RABGAP1L: variants seen among roughly 807,000 people sequenced by gnomAD.
The protein encoded by RABGAP1L is RAB GTPase activating protein 1 like.
A neutral mutation model predicts 137.7 loss-of-function variants in RABGAP1L; 63 were observed. The observed-to-expected ratio is 0.46, with a 90% CI of 0.37 to 0.56. The LOEUF is 0.56. Ranked by LOEUF, RABGAP1L falls within the 20% of genes least tolerant of loss-of-function variation. The pLI is 0.00. For missense variants in RABGAP1L, 1,095 were observed against 1,244.0 expected (o/e 0.88, Z 1.80); for synonymous variants, 431 against 433.7 (o/e 0.99, Z 0.08).
chr1:174,396,663 A>G (rs2149090610), intron 13 of RABGAP1L, among the ~76,000 whole-genome samples: 1 of 152,008 alleles, frequency 6.6e-6, no homozygotes, highest in African/African-American at 2.4e-5. Context: ...TTTTTTCACT[A>G]AGAGGCTTTC....
chr1:174,666,281 T>A (rs2148434729), intron 14 of RABGAP1L, among the ~76,000 whole-genome samples: 1 of 152,352 alleles, frequency 6.6e-6, no homozygotes, highest in Admixed American at 6.5e-5. Flanking sequence ...CTTTGTAGGT[T>A]ATAGATGAAA....
At chr1:174,304,570 G>A (rs536159598) in intron 10 of RABGAP1L, among the ~76,000 whole-genome samples, 1 of 152,002 alleles carries the variant, frequency 6.6e-6, no homozygotes, top group Non-Finnish European at 1.5e-5. Flanking sequence ...TATAATATAG[G>A]AAGGCATATT....
chr1:174,184,274 C>T (rs931838212), intron 1 of RABGAP1L, among the ~76,000 whole-genome samples: 1 of 152,140 alleles, frequency 6.6e-6, no homozygotes, highest in African/African-American at 2.4e-5. Context: ...TCTGGATGTA[C>T]CACAGTCTGT....
intron 11 of RABGAP1L, among the ~76,000 whole-genome samples, chr1:174,318,857 A>G (rs1030678692): frequency 6.6e-6 from 1 of 151,872 alleles, no homozygotes; most frequent in Non-Finnish European, 1.5e-5. Flanking sequence ...AAAAAACTTT[A>G]CACTTCATCT....
At chr1:174,519,186 A>G (rs1663138790) in intron 13 of RABGAP1L, among the ~76,000 whole-genome samples, 1 of 149,490 alleles carries the variant, frequency 6.7e-6, no homozygotes, top group South Asian at 2.1e-4. Context: ...CCATGTGTAA[A>G]TATATATATA....
intron 4 of RABGAP1L, among the ~76,000 whole-genome samples, chr1:174,233,677 T>G (rs1481124419): frequency 7.6e-6 from 1 of 131,738 alleles, no homozygotes; most frequent in Non-Finnish European, 1.5e-5. Flanking sequence ...GTTGGACATT[T>G]GGGTTGGTTC....
intron 13 of RABGAP1L, among the ~76,000 whole-genome samples, chr1:174,535,359 T>C (rs1167882341): frequency 6.6e-6 from 1 of 152,194 alleles, no homozygotes; most frequent in African/African-American, 2.4e-5. Context: ...CTGCATATTA[T>C]AGGTACTCAA....
At chr1:174,616,367 C>T (rs979410765) in intron 13 of RABGAP1L, among the ~76,000 whole-genome samples, 2 of 152,228 alleles carry the variant, frequency 1.3e-5, no homozygotes, top group African/African-American at 2.4e-5. Flanking sequence ...AACTTCAAAG[C>T]AAACATTTTA....
chr1:174,285,139 C>A (rs970770251), intron 10 of RABGAP1L, among the ~76,000 whole-genome samples: 2 of 152,122 alleles, frequency 1.3e-5, no homozygotes, highest in African/African-American at 4.8e-5. Context: ...GCTTCAGCCT[C>A]CTGAGTAGCT....
chr1:174,501,666 C>T (rs1661289198), intron 13 of RABGAP1L, among the ~76,000 whole-genome samples: 1 of 152,152 alleles, frequency 6.6e-6, no homozygotes, highest in Non-Finnish European at 1.5e-5. Flanking sequence ...CTGCCATGTA[C>T]TAACAGTCCA....
intron 17 of RABGAP1L, among the ~76,000 whole-genome samples, chr1:174,748,188 G>C (rs191602021): frequency 3.0e-4 from 46 of 152,242 alleles, no homozygotes; most frequent in Admixed American, 8.5e-4. Context: ...GTTTGATTTT[G>C]AGATAATTGA....
At chr1:174,680,763 G>T (rs1306034781) in intron 14 of RABGAP1L, among the ~76,000 whole-genome samples, 1 of 151,934 alleles carries the variant, frequency 6.6e-6, no homozygotes, top group Non-Finnish European at 1.5e-5. Flanking sequence ...GGTGTGGTGG[G>T]GCAGCCTGTA....
intron 13 of RABGAP1L, among the ~76,000 whole-genome samples, chr1:174,444,656 T>C (rs1463589818): frequency 1.3e-5 from 2 of 152,136 alleles, no homozygotes; most frequent in Non-Finnish European, 2.9e-5. Context: ...TATTTCTTCA[T>C]GGTTCAATCT....
intron 13 of RABGAP1L, among the ~76,000 whole-genome samples, chr1:174,541,339 T>C (rs556710353): frequency 1.8e-4 from 27 of 151,954 alleles, no homozygotes; most frequent in Non-Finnish European, 3.2e-4. Flanking sequence ...TGAATAGGAG[T>C]GGTGAGAGAG....
At chr1:174,298,246 A>G (rs1284575991) in intron 10 of RABGAP1L, among the ~76,000 whole-genome samples, 9 of 151,780 alleles carry the variant, frequency 5.9e-5, no homozygotes, top group Admixed American at 5.9e-4. Context: ...CTGTCCTTGC[A>G]TCCCCGAGTT....
intron 19 of RABGAP1L, among the ~76,000 whole-genome samples, chr1:174,905,707 T>C (rs1195455132): frequency 1.3e-5 from 2 of 151,908 alleles, no homozygotes; most frequent in African/African-American, 4.8e-5. Flanking sequence ...CAAAATTAGC[T>C]GGACATGGTG....
intron 13 of RABGAP1L, among the ~76,000 whole-genome samples, chr1:174,473,928 G>A (rs1658219878): frequency 6.6e-6 from 1 of 152,142 alleles, no homozygotes; most frequent in African/African-American, 2.4e-5. Context: ...GTTCTTTCAA[G>A]TCCTTACAAA....
At chr1:174,678,275 A>AG (rs1278258503) in intron 14 of RABGAP1L, among the ~76,000 whole-genome samples, 1 of 152,196 alleles carries the variant, frequency 6.6e-6, no homozygotes, top group Non-Finnish European at 1.5e-5. Context: ...AGAATACTCT[A>AG]GGCCCAGATG....
rs911567579 is a variant in RABGAP1L, at chr1:174,275,947, T to G, written c.1156+12T>G. Reference sequence around the variant, plus strand: ...GGAAACCCCAAAAGGTGACTTTTCTTAAAAGATCCCTTATTGTTTGCTTTA... The same window carrying G: ...GGAAACCCCAAAAGGTGACTTTTCTGAAAAGATCCCTTATTGTTTGCTTTA... On this transcript the variant is annotated intron_variant, in intron 9 of 25. Coordinates refer to ENST00000681986, the MANE Select transcript of RABGAP1L (RefSeq NM_001366446.1). 2 of 1,590,840 alleles carry G rather than the reference T, an allele frequency of 1.3e-6. No homozygotes were observed.
Sources: gnomAD v4.1 joint callset for allele counts (sites outside exome capture counted in the v4.1 genomes callset) on GRCh38, gnomAD v4.1.1 for gene constraint, MANE v1.5 for transcripts, NCBI Gene and HGNC (gene_info 2026-07-23, HGNC 2026-07-21) for gene names.